The following SPG21 variants were observed in gnomAD, a reference collection of about 807,000 sequenced individuals.
SPG21 encodes the protein maspardin.
SPG21 carries 26 observed loss-of-function variants against 38.9 expected under a neutral mutation model. The ratio of observed to expected loss-of-function variants is 0.67; its 90% CI spans 0.49 to 0.93. The LOEUF (loss-of-function observed/expected upper bound fraction) is 0.93. Ranked by LOEUF, SPG21 falls within the 40% of genes least tolerant of loss-of-function variation. The pLI is 0.00. For missense variants in SPG21, 333 were observed against 376.5 expected, an observed-to-expected ratio of 0.88 and a Z score of 0.96; for synonymous variants, 136 against 128.9, an observed-to-expected ratio of 1.05 and a Z score of -0.37.
At chr15:64,989,595 C>CCA (rs141340481) in intron 1 of SPG21, 70 bp downstream of exon 1, 7 of 153,634 alleles carry the variant, frequency 4.6e-5, no homozygotes, top group Non-Finnish European at 8.7e-5. Context: ...CAGCCACGCG[C>CCA]CACACACACA....
intron 1 of SPG21, among the ~76,000 whole-genome samples, chr15:64,984,088 G>C (rs1290269137): frequency 6.6e-6 from 1 of 151,926 alleles, no homozygotes; most frequent in Non-Finnish European, 1.5e-5. Flanking sequence ...CCGGCCACCA[G>C]AAGAGCTCTT....
At chr15:64,986,662 AGAGT>A (rs1296965184) in intron 1 of SPG21, among the ~76,000 whole-genome samples, 34 of 151,902 alleles carry the variant, frequency 2.2e-4, no homozygotes, top group South Asian at 6.2e-4. Flanking sequence ...CCTGGGTGAC[AGAGT>A]GAGAGTCTGT....
At chr15:64,975,444 C>T (rs2085756585) in intron 4 of SPG21, among the ~76,000 whole-genome samples, 1 of 150,836 alleles carries the variant, frequency 6.6e-6, no homozygotes, top group Non-Finnish European at 1.5e-5. Flanking sequence ...GGGAGGATCG[C>T]TTGAGCCCAA....
intron 7 of SPG21, among the ~76,000 whole-genome samples, chr15:64,967,823 T>C (rs540793990): frequency 6.6e-6 from 1 of 152,182 alleles, no homozygotes; most frequent in East Asian, 1.9e-4. Context: ...CCCAGACTGG[T>C]CTCGAATTCC....
intron 5 of SPG21, among the ~76,000 whole-genome samples, chr15:64,971,267 C>CGT (rs1566926081): frequency 6.6e-6 from 1 of 152,046 alleles, no homozygotes; most frequent in East Asian, 1.9e-4. Context: ...GGGCCAGGCA[C>CGT]GGTGGCTCAT....
intron 5 of SPG21, among the ~76,000 whole-genome samples, chr15:64,971,020 G>A (rs975790292): frequency 3.9e-5 from 6 of 151,958 alleles, no homozygotes; most frequent in African/African-American, 7.3e-5. Flanking sequence ...GATCACAGGC[G>A]TGAGCCACTC....
At position 64,963,287 on chromosome 15, in the gene SPG21, AC is replaced by A. The variant is rs1231889382; in HGVS notation, c.*332del. ...GAATGGAAAAGAAAAGAAGAAAAAA[AC>A]CACCACAAAGTCCCAAACCTCAGAA... On this transcript the variant is annotated 3_prime_UTR_variant, in exon 9 of 9. Transcript: ENST00000204566. 4.2e-6 allele frequency: 1 copy of A among 237,674 alleles called. No individual in the cohort carries two copies. Among genetic ancestry groups the A allele is most frequent in the African/African-American group, 2.3e-5 (1 of 44,180 alleles). 14.7% of individuals were successfully genotyped at this position (237,674 alleles called of 1,614,324 possible).
chr15:64,966,171 A>T (rs2085536702), intron 7 of SPG21, among the ~76,000 whole-genome samples: 1 of 152,210 alleles, frequency 6.6e-6, no homozygotes, highest in Non-Finnish European at 1.5e-5. Context: ...CAATAAACTA[A>T]GTCATTTAGG....
chr15:64,982,464 T>C (rs984091108), intron 2 of SPG21, among the ~76,000 whole-genome samples: 2 of 152,188 alleles, frequency 1.3e-5, no homozygotes, highest in African/African-American at 4.8e-5. Context: ...CATTTTTTTA[T>C]AGAGACAGAG....
chr15:64,972,532 A>T (rs577915097), intron 5 of SPG21, among the ~76,000 whole-genome samples: 16 of 152,352 alleles, frequency 1.1e-4, no homozygotes, highest in African/African-American at 3.8e-4. Context: ...CTAAGATAAC[A>T]TCAGAAAAAC....
Position 64,974,596 on chromosome 15 carries a change from T to A in SPG21, c.452+6A>T, listed in dbSNP as rs776300342. ...CACTGAACAAAAAAAGTAATTTTGT[T>A]CTTACCTGTTTGCAGTCCAAGTTTG... On this transcript the variant is annotated splice_donor_region_variant and intron_variant, in intron 5 of 8. Transcript: ENST00000204566. The A allele has an allele frequency of 1.4e-5, 22 of 1,614,090 alleles. No individual in the cohort carries two copies. The Admixed American group carries it at 1.5e-4, about 11-fold the overall frequency.
intron 7 of SPG21, among the ~76,000 whole-genome samples, chr15:64,966,749 A>T (rs1005426232): frequency 2.0e-5 from 3 of 152,046 alleles, no homozygotes; most frequent in African/African-American, 7.3e-5. Context: ...AATACAAAAA[A>T]TTAGCTGGGC....
In SPG21 at chr15:64,969,340, T is replaced by A; in HGVS notation, c.584A>T (p.Glu195Val). 6.2e-7 allele frequency: 1 copy of A among 1,613,974 alleles called. No individual in the cohort carries two copies. Among genetic ancestry groups the A allele is most frequent in the Non-Finnish European group, 8.5e-7 (1 of 1,179,890 alleles). Residue 195 changes from glutamate (E) to valine (V), a missense_variant, in exon 7 of 9, where the codon GAA becomes GTA. Physicochemically the swap from Glu to Val is moderately radical, Grantham distance 121. Coordinates refer to ENST00000204566, the MANE Select transcript of SPG21 (RefSeq NM_016630.7). ...VDRLESLGQSELASRLTLNCQ... is the reference protein window; with the variant it reads ...VDRLESLGQSVLASRLTLNCQ... ...ATTCAAGGTAAGTCTTGAAGCCAGT[T>A]CACTCTGACCCAAACTTTCTAGCTG...
chr15:64,983,147 A>G (rs541726561), intron 2 of SPG21: 4 of 279,692 alleles, frequency 1.4e-5, no homozygotes, highest in South Asian at 1.2e-4. Context: ...AATCCTAGCT[A>G]CTTGGCAGGT....
At chr15:64,974,790 A>C (rs2085744065) in intron 4 of SPG21, 43 bp from the exon 5 acceptor site, 1 of 1,612,638 alleles carries the variant, frequency 6.2e-7, no homozygotes, top group East Asian at 2.2e-5. Context: ...AATACTGATC[A>C]ATCTTGAACC....
At chr15:64,969,527 C>T (rs746509695) in intron 6 of SPG21, among the ~76,000 whole-genome samples, 165 bp from the exon 7 acceptor site, 1 of 152,144 alleles carries the variant, frequency 6.6e-6, no homozygotes, top group Non-Finnish European at 1.5e-5. Context: ...ATGAACTGGG[C>T]TTCTCAGGAG....
At chr15:64,979,792 C>G (rs1376228247) in intron 3 of SPG21, among the ~76,000 whole-genome samples, 1 of 148,970 alleles carries the variant, frequency 6.7e-6, no homozygotes, top group African/African-American at 2.5e-5. Context: ...TAAAGAGACT[C>G]TCTCCTTCCT....
At position 64,965,188 on chromosome 15, in the gene SPG21, A is replaced by C. The variant is rs865946983; in HGVS notation, c.810+132T>G. The C allele has an allele frequency of 4.6e-5, 57 of 1,237,734 alleles. 1 individual carries two copies. The African/African-American group carries it at 6.3e-4, about 14-fold the overall frequency. 76.7% of individuals were successfully genotyped at this position (1,237,734 alleles called of 1,614,324 possible). ...CAAGTTATAAATGTAAACCACTTTT[A>C]TCAAGTCAATGCCTCATTTCTACAA... On this transcript the variant is annotated intron_variant, in intron 8 of 8. Transcript: ENST00000204566.
intron 1 of SPG21, among the ~76,000 whole-genome samples, chr15:64,983,913 A>G (rs757909486): frequency 4.6e-5 from 7 of 151,498 alleles, no homozygotes; most frequent in Non-Finnish European, 8.8e-5. Flanking sequence ...CCTCCCGAGT[A>G]TCTGGGATTA....
Sources: gnomAD v4.1 joint callset for allele counts (sites outside exome capture counted in the v4.1 genomes callset) on GRCh38, gnomAD v4.1.1 for gene constraint, MANE v1.5 for transcripts, NCBI Gene and HGNC (gene_info 2026-07-23, HGNC 2026-07-21) for gene names.